The following FBXO46 variants were observed in gnomAD, a reference collection of about 807,000 sequenced individuals.
FBXO46 encodes the protein F-box protein 46, also known as F-box only protein 46.
Under a neutral mutation model 30.7 loss-of-function variants are expected in FBXO46, and 13 were observed. That is an observed-to-expected ratio of 0.42 (90% confidence interval 0.28 to 0.67). FBXO46 has a LOEUF of 0.67. Ranked by LOEUF, FBXO46 falls within the 30% of genes least tolerant of loss-of-function variation. FBXO46 has a pLI of 0.21. For missense variants in FBXO46, 754 were observed against 871.5 expected, an observed-to-expected ratio of 0.87 and a Z score of 1.70; for synonymous variants, 467 against 385.8, an observed-to-expected ratio of 1.21 and a Z score of -2.47.
In FBXO46 at chr19:45,712,008, G is replaced by C. The variant is rs1196500476; in HGVS notation, c.1488C>G (p.Leu496=). 2.5e-6 allele frequency: 4 copies of C among 1,612,440 alleles called. No homozygotes were observed. The highest frequency in any genetic ancestry group is 3.4e-6 in the Non-Finnish European group (4 of 1,179,694). Residue 496 remains leucine (L), a synonymous_variant, in exon 2 of 2, where the codon CTC becomes CTG. Transcript: ENST00000317683. This position sits in a 1 kb window ranked among gnomAD's most constrained non-coding sequence, Gnocchi z 8.8. ...SFLPTRALAA[L]KCTCHHFKGI... ...CCTTGAAGTGGTGGCAGGTGCACTT[G>C]AGGGCGGCCAGCGCGCGCGTGGGCA...
In FBXO46 at chr19:45,711,620, C is replaced by G; in HGVS notation, c.*64G>C. 1 of 1,333,852 alleles carries G rather than the reference C, an allele frequency of 7.5e-7. No individual in the cohort carries two copies. Among genetic ancestry groups the G allele is most frequent in the Non-Finnish European group, 1.0e-6 (1 of 962,886 alleles). 82.6% of individuals were successfully genotyped at this position (1,333,852 alleles called of 1,614,324 possible). Reference sequence around the variant, plus strand: ...ATGGGCAGGCGGCCCAGTCCGGACCCTCGGCTCCCGGGGGGAGAGGGGAGG... The same window carrying G: ...ATGGGCAGGCGGCCCAGTCCGGACCGTCGGCTCCCGGGGGGAGAGGGGAGG... On this transcript the variant is annotated 3_prime_UTR_variant, in exon 2 of 2. Coordinates refer to ENST00000317683, the MANE Select transcript of FBXO46 (RefSeq NM_001080469.2).
intron 1 of FBXO46, among the ~76,000 whole-genome samples, chr19:45,724,981 T>A (rs1968218435): frequency 6.6e-6 from 1 of 151,882 alleles, no homozygotes; most frequent in African/African-American, 2.4e-5. Context: ...TTTAATTAGC[T>A]GGGCATGGTG....
chr19:45,712,220 C>T lies in FBXO46; in HGVS notation c.1276G>A (p.Asp426Asn), dbSNP rs375199493. 57 of 1,604,564 alleles carry T rather than the reference C, an allele frequency of 3.6e-5. No individual in the cohort carries two copies. In the African/African-American group the frequency reaches 6.3e-4, roughly 18 times the overall value. The change falls in exon 2 of 2, where the codon GAC becomes AAC. Residue 426 changes from aspartate to asparagine, a missense_variant. Coordinates refer to ENST00000317683, the MANE Select transcript of FBXO46 (RefSeq NM_001080469.2). This position sits in a 1 kb window ranked among gnomAD's most constrained non-coding sequence, Gnocchi z 8.8. ...GGGCCGGGCGCAGTGGCCGGGGAGTCGGCCGGGGGTGGCTCCGGGGGCCCG... is the reference window on the plus strand; with the variant it reads ...GGGCCGGGCGCAGTGGCCGGGGAGTTGGCCGGGGGTGGCTCCGGGGGCCCG... The part of the protein sequence containing the change: ...PDGPPEPPPA[D>N]SPATAPGPDD...
At chr19:45,723,028 T>A (rs984100201) in intron 1 of FBXO46, among the ~76,000 whole-genome samples, 1 of 152,130 alleles carries the variant, frequency 6.6e-6, no homozygotes, top group African/African-American at 2.4e-5. Flanking sequence ...CACTCTAGAC[T>A]GGGCTACAGA....
intron 1 of FBXO46, among the ~76,000 whole-genome samples, chr19:45,726,037 A>G (rs568160852): frequency 6.6e-6 from 1 of 152,044 alleles, no homozygotes; most frequent in African/African-American, 2.4e-5. Context: ...AAGCCTGACT[A>G]ATTTTTTAAA....
At chr19:45,728,173 G>A (rs183597887) in intron 1 of FBXO46, among the ~76,000 whole-genome samples, 6 of 152,286 alleles carry the variant, frequency 3.9e-5, no homozygotes, top group South Asian at 2.1e-4. Flanking sequence ...CAATCTGCCC[G>A]CAATGGCCTC....
chr19:45,731,660 G>T (rs1968315019), upstream of FBXO46, among the ~76,000 whole-genome samples: 1 of 151,536 alleles, frequency 6.6e-6, no homozygotes, highest in African/African-American at 2.4e-5. Context: ...AGAAAATTAA[G>T]CCTTAGGAGG....
At chr19:45,726,765 A>G (rs572251607) in intron 1 of FBXO46, among the ~76,000 whole-genome samples, 2 of 152,074 alleles carry the variant, frequency 1.3e-5, no homozygotes, top group South Asian at 4.2e-4. Context: ...TTGGCCTCCC[A>G]AAGTGCCAAG....
upstream of FBXO46, among the ~76,000 whole-genome samples, chr19:45,732,991 G>A (rs1968346944): frequency 6.6e-6 from 1 of 152,188 alleles, no homozygotes; most frequent in African/African-American, 2.4e-5. Flanking sequence ...TGGGAAGACA[G>A]TGGCTAAGTT....
At chr19:45,730,922 G>T (rs1402220005), upstream of FBXO46, 1 of 152,320 alleles carries the variant, frequency 6.6e-6, no homozygotes, top group African/African-American at 2.4e-5. Context: ...CCCCTTCCGG[G>T]TTCTCGTCCC....
At chr19:45,717,164 G>A (rs1364689065) in intron 1 of FBXO46, 2 of 151,860 alleles carry the variant, frequency 1.3e-5, no homozygotes, top group Middle Eastern at 3.4e-3. Context: ...TTTTGCAAAT[G>A]GAAAAGGAAC....
intron 1 of FBXO46, among the ~76,000 whole-genome samples, chr19:45,720,098 G>A (rs1265284770): frequency 1.3e-5 from 2 of 151,926 alleles, no homozygotes; most frequent in Non-Finnish European, 2.9e-5. Flanking sequence ...CTGGGCTCAA[G>A]TGATCCTCCC....
At chr19:45,732,532 CAAA>C (rs36071960), upstream of FBXO46, among the ~76,000 whole-genome samples, 1 of 65,752 alleles carries the variant, frequency 1.5e-5, no homozygotes, top group African/African-American at 6.5e-5. Context: ...TCGTCTCTAC[CAAA>C]AAAAAAAAAA....
At chr19:45,729,014 G>C (rs1187887614) in intron 1 of FBXO46, among the ~76,000 whole-genome samples, 11 of 152,192 alleles carry the variant, frequency 7.2e-5, no homozygotes. Flanking sequence ...GGGAGGCTGA[G>C]GCGGAGAATT....
intron 1 of FBXO46, among the ~76,000 whole-genome samples, chr19:45,729,529 A>G (rs566951905): frequency 6.6e-6 from 1 of 152,370 alleles, no homozygotes; most frequent in East Asian, 1.9e-4. Flanking sequence ...TACTCATCAC[A>G]TTGTATATTT....
intron 1 of FBXO46, among the ~76,000 whole-genome samples, chr19:45,723,824 T>C (rs1167351734): frequency 6.6e-6 from 1 of 152,118 alleles, no homozygotes; most frequent in Non-Finnish European, 1.5e-5. Flanking sequence ...CACGCCCAGC[T>C]AATTTTTGTA....
At chr19:45,727,970 T>G (rs990633236) in intron 1 of FBXO46, among the ~76,000 whole-genome samples, 6 of 152,244 alleles carry the variant, frequency 3.9e-5, no homozygotes, top group Middle Eastern at 3.4e-3. Context: ...ACAGTCTCAC[T>G]CTGTCGCCCA....
At chr19:45,714,874 C>T (rs1468061618) in intron 1 of FBXO46, 1 of 152,098 alleles carries the variant, frequency 6.6e-6, no homozygotes, top group African/African-American at 2.4e-5. Flanking sequence ...TGCACTCCAG[C>T]CTGGGTGACT....
chr19:45,724,167 C>T (rs956766018), intron 1 of FBXO46, among the ~76,000 whole-genome samples: 3 of 151,998 alleles, frequency 2.0e-5, no homozygotes, highest in Non-Finnish European at 4.4e-5. Context: ...TAAATGAAGG[C>T]AACGGAAAAC....
Sources: allele counts gnomAD v4.1 joint callset (sites outside exome capture counted in the v4.1 genomes callset), GRCh38; gene constraint gnomAD v4.1.1; non-coding constraint Gnocchi (gnomAD v3.1); transcripts MANE v1.5; gene names NCBI Gene and HGNC (gene_info 2026-07-23, HGNC 2026-07-21).